Variants in SGCD observed in about 807,000 individuals in gnomAD.
SGCD encodes the protein sarcoglycan delta, also known as delta-sarcoglycan.
SGCD carries 18 observed loss-of-function variants against 36.6 expected under a neutral mutation model. The observed-to-expected ratio is 0.49, with a 90% CI of 0.34 to 0.73. SGCD has a LOEUF of 0.73. Ranked by LOEUF, SGCD falls within the 30% of genes least tolerant of loss-of-function variation. The pLI is 0.01. For missense variants in SGCD, 387 were observed against 346.7 expected (o/e 1.12, Z -0.92); for synonymous variants, 133 against 130.6 (o/e 1.02, Z -0.12).
At chr5:156,600,335 G>A (rs970914207) in intron 6 of SGCD, among the ~76,000 whole-genome samples, 9 of 151,900 alleles carry the variant, frequency 5.9e-5, no homozygotes, top group Admixed American at 2.0e-4. Context: ...CCCAATTTAT[G>A]GTAACCACCT....
intron 3 of SGCD, among the ~76,000 whole-genome samples, chr5:156,419,278 A>G (rs1044307738): frequency 2.0e-5 from 3 of 152,172 alleles, no homozygotes; most frequent in African/African-American, 7.2e-5. Flanking sequence ...TCTTAGCAAA[A>G]GAATGGGAGT....
intron 1 of SGCD, among the ~76,000 whole-genome samples, chr5:155,885,526 G>C (rs1755978505): frequency 1.9e-5 from 1 of 53,664 alleles, no homozygotes; most frequent in African/African-American, 1.8e-4. Context: ...ATTATGAACA[G>C]AATGCTTATT....
intron 3 of SGCD, among the ~76,000 whole-genome samples, chr5:156,160,979 C>A (rs948704742): frequency 6.6e-6 from 1 of 151,660 alleles, no homozygotes; most frequent in Non-Finnish European, 1.5e-5. Flanking sequence ...ATAGACTATA[C>A]GTAAATGAAT....
At chr5:155,801,526 C>A in the SGCD span, among the ~76,000 whole-genome samples, 61 of 152,162 alleles carry the variant, frequency 4.0e-4, no homozygotes, top group Non-Finnish European at 6.6e-4. Context: ...AAATTCTCTC[C>A]TCTGGGACTT....
chr5:155,850,106 C>A, the SGCD span, among the ~76,000 whole-genome samples: 1 of 152,014 alleles, frequency 6.6e-6, no homozygotes, highest in Admixed American at 6.6e-5. Context: ...GATTAAGTAC[C>A]TTGTTTCTCC....
chr5:156,110,496 C>T (rs1246415176), intron 1 of SGCD, among the ~76,000 whole-genome samples: 1 of 151,906 alleles, frequency 6.6e-6, no homozygotes, highest in Non-Finnish European at 1.5e-5. Context: ...TTTCCTTTCT[C>T]TCCTCCTGAC....
At chr5:155,944,546 C>T (rs1561658479) in intron 1 of SGCD, among the ~76,000 whole-genome samples, 1 of 152,132 alleles carries the variant, frequency 6.6e-6, no homozygotes, top group African/African-American at 2.4e-5. Context: ...GAGTTGAGAA[C>T]AGAACACAAC....
chr5:156,210,668 A>G (rs894229279), intron 3 of SGCD, among the ~76,000 whole-genome samples: 7 of 151,986 alleles, frequency 4.6e-5, no homozygotes, highest in Admixed American at 2.6e-4. Flanking sequence ...AATTAATGAA[A>G]TGAAAAAAAA....
At chr5:155,924,641 T>C (rs1002128096) in intron 1 of SGCD, among the ~76,000 whole-genome samples, 7 of 152,230 alleles carry the variant, frequency 4.6e-5, no homozygotes, top group Non-Finnish European at 8.8e-5. Flanking sequence ...ATAGTAGCTA[T>C]GCTCTGTGCT....
intron 6 of SGCD, among the ~76,000 whole-genome samples, chr5:156,610,708 C>A (rs887988118): frequency 6.6e-6 from 1 of 152,236 alleles, no homozygotes; most frequent in Non-Finnish European, 1.5e-5. Context: ...AGCTTCCTGG[C>A]CACTTTGGTT....
intron 3 of SGCD, among the ~76,000 whole-genome samples, chr5:156,194,295 C>G (rs915201743): frequency 1.3e-5 from 2 of 152,112 alleles, no homozygotes; most frequent in Non-Finnish European, 2.9e-5. Flanking sequence ...GGGAGGATCT[C>G]TTGGGCCTGG....
intron 4 of SGCD, among the ~76,000 whole-genome samples, chr5:156,514,435 T>C (rs1223801493): frequency 6.6e-6 from 1 of 152,240 alleles, no homozygotes; most frequent in Non-Finnish European, 1.5e-5. Flanking sequence ...AGCCCATTGC[T>C]GTATTGAATT....
chr5:155,893,182 A>C (rs1298814761), intron 1 of SGCD, among the ~76,000 whole-genome samples: 1 of 149,438 alleles, frequency 6.7e-6, no homozygotes, highest in Non-Finnish European at 1.5e-5. Flanking sequence ...TATAACACTG[A>C]TTTGGTCATT....
At chr5:155,758,355 A>G in the SGCD span, among the ~76,000 whole-genome samples, 1 of 152,310 alleles carries the variant, frequency 6.6e-6, no homozygotes, top group South Asian at 2.1e-4. Flanking sequence ...TGTCCTTACT[A>G]AACTATTGGG....
intron 7 of SGCD, among the ~76,000 whole-genome samples, chr5:156,735,461 G>A (rs1479820663): frequency 6.6e-6 from 1 of 152,200 alleles, no homozygotes; most frequent in Non-Finnish European, 1.5e-5. Context: ...GGAGGCCCCA[G>A]TTGTGAGGTT....
At position 156,181,376 on chromosome 5, in the gene SGCD, A is replaced by C. The variant is rs368020001; in HGVS notation, c.-44+57357A>C. 3.3e-5 allele frequency among the ~76,000 whole-genome samples: 5 copies of C among 152,332 alleles called. No homozygotes were observed. The South Asian group carries it at 1.0e-3, about 32-fold the overall frequency. ...ATGGACTAAAAAACTTGCTATCATT[A>C]ACATACTAATTTTCAAACTGACCCA... On this transcript the variant is annotated intron_variant, in intron 3 of 9. Transcript: ENST00000517913.
chr5:156,206,696 T>C (rs56660863), intron 3 of SGCD, among the ~76,000 whole-genome samples: 46,622 of 151,856 alleles, frequency 0.31, 7,648 homozygotes, highest in East Asian at 0.62. Context: ...AAAAGTTAGA[T>C]CTTGTATACT....
chr5:156,268,381 A>G (rs1461393620), intron 3 of SGCD, among the ~76,000 whole-genome samples: 1 of 152,114 alleles, frequency 6.6e-6, no homozygotes, highest in Non-Finnish European at 1.5e-5. Context: ...TAGCTGTTTG[A>G]GCCATATTGG....
At chr5:155,804,320 G>C in the SGCD span, among the ~76,000 whole-genome samples, 1 of 152,138 alleles carries the variant, frequency 6.6e-6, no homozygotes, top group African/African-American at 2.4e-5. Context: ...AGACTCAAAG[G>C]GGAAAACTGA....
Sources: gnomAD v4.1 joint callset for allele counts (sites outside exome capture counted in the v4.1 genomes callset) on GRCh38, gnomAD v4.1.1 for gene constraint, MANE v1.5 for transcripts, NCBI Gene and HGNC (gene_info 2026-07-23, HGNC 2026-07-21) for gene names.